ADAMTS3: variants seen among roughly 807,000 people sequenced by gnomAD.
The protein encoded by ADAMTS3 is ADAM metallopeptidase with thrombospondin type 1 motif 3, also known as A disintegrin and metalloproteinase with thrombospondin motifs 3.
In ADAMTS3, 73 loss-of-function variants were observed where a neutral mutation model predicts 129.0. The ratio of observed to expected loss-of-function variants is 0.57; its 90% CI spans 0.47 to 0.69. The LOEUF (loss-of-function observed/expected upper bound fraction) is 0.69. ADAMTS3 is among the 30% of genes least tolerant of loss of function. The pLI is 0.00. For missense variants in ADAMTS3, 1,457 were observed against 1,514.5 expected (o/e 0.96, Z 0.63); for synonymous variants, 477 against 510.8 (o/e 0.93, Z 0.89).
chr4:72,433,791 G>A (rs990954990), intron 3 of ADAMTS3, among the ~76,000 whole-genome samples: 49 of 151,834 alleles, frequency 3.2e-4, no homozygotes, highest in Middle Eastern at 3.2e-3. Context: ...ATCAAAAGAA[G>A]AGCAGAGTGT....
At chr4:72,567,319 T>G in intron 2 of ADAMTS3, 55 bp downstream of exon 2, 2 of 1,573,784 alleles carry the variant, frequency 1.3e-6, no homozygotes, top group African/African-American at 2.7e-5. Context: ...CTTAGCTCAC[T>G]TCATTCCCTT....
At chr4:72,531,562 G>A (rs1300551439) in intron 3 of ADAMTS3, among the ~76,000 whole-genome samples, 1 of 152,118 alleles carries the variant, frequency 6.6e-6, no homozygotes, top group Non-Finnish European at 1.5e-5. Context: ...TAGGAACAGG[G>A]TACGTGGCTG....
intron 4 of ADAMTS3, among the ~76,000 whole-genome samples, chr4:72,387,170 G>C (rs2109887565): frequency 6.6e-6 from 1 of 152,272 alleles, no homozygotes; most frequent in African/African-American, 2.4e-5. Flanking sequence ...AACTAAATCT[G>C]TTAGCTGATG....
At chr4:72,396,991 T>A (rs1297433676) in intron 4 of ADAMTS3, among the ~76,000 whole-genome samples, 1 of 152,114 alleles carries the variant, frequency 6.6e-6, no homozygotes, top group Non-Finnish European at 1.5e-5. Flanking sequence ...CTCAGCCAAA[T>A]CCACTCCTTT....
At chr4:72,515,052 T>C (rs1159715234) in intron 3 of ADAMTS3, among the ~76,000 whole-genome samples, 1 of 152,180 alleles carries the variant, frequency 6.6e-6, no homozygotes, top group Non-Finnish European at 1.5e-5. Context: ...GTTCTCATTG[T>C]TCAATGCCCA....
intron 4 of ADAMTS3, among the ~76,000 whole-genome samples, chr4:72,383,851 G>A (rs1382494725): frequency 6.6e-6 from 1 of 152,138 alleles, no homozygotes; most frequent in East Asian, 1.9e-4. Flanking sequence ...AATTAACTGA[G>A]AGTGAATCTG....
intron 3 of ADAMTS3, among the ~76,000 whole-genome samples, chr4:72,455,961 A>G (rs527707733): frequency 3.2e-5 from 3 of 92,560 alleles, no homozygotes; most frequent in African/African-American, 1.6e-4. Context: ...TATATATACT[A>G]TATATATTTT....
At chr4:72,399,770 CACACACGGTGTGTACGCATAT>C in intron 4 of ADAMTS3, among the ~76,000 whole-genome samples, 1 of 150,166 alleles carries the variant, frequency 6.7e-6, no homozygotes, top group African/African-American at 2.5e-5. Flanking sequence ...TATATATATA[CACACACGGTGTGTACGCATAT>C]GTGTGTATAT....
intron 4 of ADAMTS3, among the ~76,000 whole-genome samples, chr4:72,358,121 T>C (rs757959868): frequency 2.6e-5 from 4 of 151,872 alleles, no homozygotes; most frequent in Non-Finnish European, 5.9e-5. Flanking sequence ...CTCACTGGAG[T>C]ACACAGGATA....
intron 3 of ADAMTS3, among the ~76,000 whole-genome samples, chr4:72,469,795 A>C (rs1380268038): frequency 6.6e-6 from 1 of 152,150 alleles, no homozygotes; most frequent in Non-Finnish European, 1.5e-5. Flanking sequence ...CACTTAATGA[A>C]TAATAAATAC....
chr4:72,436,522 A>C (rs1327722832), intron 3 of ADAMTS3, among the ~76,000 whole-genome samples: 7 of 152,096 alleles, frequency 4.6e-5, no homozygotes, highest in African/African-American at 1.2e-4. Context: ...ACCCAAAGGA[A>C]TATAAATCAT....
At chr4:72,406,144 G>A (rs1722045240) in intron 4 of ADAMTS3, among the ~76,000 whole-genome samples, 1 of 152,040 alleles carries the variant, frequency 6.6e-6, no homozygotes, top group African/African-American at 2.4e-5. Flanking sequence ...GATCATATAG[G>A]CTGGACAAAT....
chr4:72,322,293 T>C (rs1164016393), intron 6 of ADAMTS3, among the ~76,000 whole-genome samples: 1 of 152,190 alleles, frequency 6.6e-6, no homozygotes, highest in Non-Finnish European at 1.5e-5. Context: ...AATGTACAAC[T>C]TCGTTAATAT....
intron 2 of ADAMTS3, among the ~76,000 whole-genome samples, chr4:72,556,789 G>T (rs914364873): frequency 1.3e-5 from 2 of 151,724 alleles, no homozygotes; most frequent in African/African-American, 4.9e-5. Context: ...AAAGGACTTG[G>T]TCCATCTAAT....
intron 13 of ADAMTS3, among the ~76,000 whole-genome samples, chr4:72,311,445 G>A (rs1280541600): frequency 1.3e-5 from 2 of 151,920 alleles, no homozygotes; most frequent in African/African-American, 4.8e-5. Flanking sequence ...GTATAAACTG[G>A]GACTGCCCCA....
Position 72,283,079 on chromosome 4 carries a change from G to A in ADAMTS3, c.*57C>T. 1 of 1,424,992 alleles carries A rather than the reference G, an allele frequency of 7.0e-7. No individual in the cohort carries two copies. The highest frequency in any genetic ancestry group is 2.3e-5 in the East Asian group (1 of 43,736). 88.3% of individuals were successfully genotyped at this position (1,424,992 alleles called of 1,614,324 possible). A position where few individuals can be genotyped will look rare whatever the true frequency, so the allele number is the denominator to read the frequency against. On this transcript the variant is annotated 3_prime_UTR_variant, in exon 22 of 22. Coordinates refer to ENST00000286657, the MANE Select transcript of ADAMTS3 (RefSeq NM_014243.3). ...ACTTTAAACAAGCATATGCACCATGGGAAGAGAGAGGTTGTCCAGGTTTTC... is the reference window on the plus strand; with the variant it reads ...ACTTTAAACAAGCATATGCACCATGAGAAGAGAGAGGTTGTCCAGGTTTTC...
intron 3 of ADAMTS3, among the ~76,000 whole-genome samples, chr4:72,510,895 A>C (rs1470686187): frequency 6.6e-6 from 1 of 151,944 alleles, no homozygotes. Context: ...AGCTGTGATA[A>C]ACAAAACAGC....
rs1578548331 is a variant in ADAMTS3, at chr4:72,283,714, TAAAAAG to T, written c.3050-16_3050-11del. On this transcript the variant is annotated splice_polypyrimidine_tract_variant and intron_variant, in intron 21 of 21. Transcript: ENST00000286657. Reference sequence around the variant, plus strand: ...CCCAAACATGGTTCATCTGCAAAAATAAAAAGAAAATAAACTAACACTAGCATCTAA... The same window carrying T: ...CCCAAACATGGTTCATCTGCAAAAATAAAATAAACTAACACTAGCATCTAA... The T allele has an allele frequency of 6.5e-7, 1 of 1,530,106 alleles. No homozygotes were observed. The highest frequency in any genetic ancestry group is 2.3e-5 in the East Asian group (1 of 43,326). The allele number at this position is 1,530,106 out of a possible 1,614,324, so 94.8% of individuals were successfully genotyped here. A position where few individuals can be genotyped will look rare whatever the true frequency, so the allele number is the denominator to read the frequency against.
At chr4:72,360,897 G>C (rs1383847210) in intron 4 of ADAMTS3, among the ~76,000 whole-genome samples, 1 of 151,854 alleles carries the variant, frequency 6.6e-6, no homozygotes, top group Non-Finnish European at 1.5e-5. Flanking sequence ...TAGTACATGT[G>C]ATTTATTCCA....
Sources: allele counts gnomAD v4.1 joint callset (sites outside exome capture counted in the v4.1 genomes callset), GRCh38; gene constraint gnomAD v4.1.1; transcripts MANE v1.5; gene names NCBI Gene and HGNC (gene_info 2026-07-23, HGNC 2026-07-21).